Variants in CSN2 observed in about 807,000 individuals in gnomAD.
CSN2 encodes the protein beta-casein.
Under a neutral mutation model 27.3 loss-of-function variants are expected in CSN2, and 27 were observed. The observed-to-expected ratio is 0.99, with a 90% CI of 0.73 to 1.36. CSN2 has a LOEUF of 1.36. CSN2 is among the 40% of genes most tolerant of loss of function. CSN2 has a pLI of 0.00. For missense variants in CSN2, 333 were observed against 264.5 expected (o/e 1.26, Z -1.80); for synonymous variants, 131 against 94.8 (o/e 1.38, Z -2.22).
chr4:69,960,655 T>G (rs1723544344), intron 2 of CSN2, among the ~76,000 whole-genome samples: 1 of 152,072 alleles, frequency 6.6e-6, no homozygotes, highest in South Asian at 2.1e-4. Flanking sequence ...TGGAGTTGTA[T>G]TTATGCAATA....
At chr4:69,963,536 A>G (rs995498371) in intron 1 of CSN2, among the ~76,000 whole-genome samples, 5 of 150,554 alleles carry the variant, frequency 3.3e-5, no homozygotes, top group African/African-American at 9.7e-5. Context: ...GAATTGAACA[A>G]TGGGAACACA....
chr4:69,961,563 G>C (rs1723585031), intron 1 of CSN2, among the ~76,000 whole-genome samples: 2 of 152,094 alleles, frequency 1.3e-5, no homozygotes, highest in African/African-American at 4.8e-5. Flanking sequence ...CAATAATTTA[G>C]GTATTGATGG....
chr4:69,956,754 T>C (rs1318359194), intron 6 of CSN2, among the ~76,000 whole-genome samples: 2 of 152,176 alleles, frequency 1.3e-5, no homozygotes, highest in Non-Finnish European at 2.9e-5. Flanking sequence ...TTAATTACTT[T>C]ATCTAAATCA....
chr4:69,960,836 A>G, intron 2 of CSN2, 109 bp downstream of exon 2: 2 of 858,126 alleles, frequency 2.3e-6, no homozygotes, highest in Non-Finnish European at 3.7e-6. Context: ...ATTCTCATGA[A>G]ATTCTTCATT....
chr4:69,964,117 C>A (rs1176262667), intron 1 of CSN2, among the ~76,000 whole-genome samples: 1 of 152,074 alleles, frequency 6.6e-6, no homozygotes, highest in African/African-American at 2.4e-5. Flanking sequence ...TTATATTCAT[C>A]TTCCCCACAT....
At chr4:69,960,841 T>G in intron 2 of CSN2, 104 bp downstream of exon 2, 1 of 886,236 alleles carries the variant, frequency 1.1e-6, no homozygotes, top group East Asian at 2.6e-5. Flanking sequence ...CATGAAATTC[T>G]TCATTATTTA....
At chr4:69,956,239 C>T in intron 7 of CSN2, 75 bp downstream of exon 7, 1 of 1,067,436 alleles carries the variant, frequency 9.4e-7, no homozygotes, top group Non-Finnish European at 1.2e-6. Context: ...TATTGGACTT[C>T]TCTAGGAGAA....
At position 69,957,641 on chromosome 4, in the gene CSN2, T is replaced by C; in HGVS notation, c.308A>G (p.Lys103Arg). ...CTTAGTGTAGACAGTGTCTTTAGCTTTAGGGACTTCCATTATTTCAGGCTG... is the reference window on the plus strand; with the variant it reads ...CTTAGTGTAGACAGTGTCTTTAGCTCTAGGGACTTCCATTATTTCAGGCTG... The part of the protein sequence containing the change: ...VPQPEIMEVP[K>R]AKDTVYTKGR... Residue 103 changes from lysine (K) to arginine (R), a missense_variant, in exon 6 of 8, where the codon AAA becomes AGA. By Grantham distance (26) the Lys-to-Arg change is conservative. Transcript: ENST00000353151. 6.2e-7 allele frequency: 1 copy of C among 1,613,908 alleles called. No individual in the cohort carries two copies. The highest frequency in any genetic ancestry group is 8.5e-7 in the Non-Finnish European group (1 of 1,179,968).
chr4:69,961,979 C>A (rs1342021426), intron 1 of CSN2, among the ~76,000 whole-genome samples: 1 of 152,122 alleles, frequency 6.6e-6, no homozygotes, highest in Non-Finnish European at 1.5e-5. Context: ...AACTCCCATT[C>A]AAAATTGCTT....
At chr4:69,955,846 C>A (rs1475740085) in intron 7 of CSN2, among the ~76,000 whole-genome samples, 1 of 151,956 alleles carries the variant, frequency 6.6e-6, no homozygotes, top group East Asian at 1.9e-4. Context: ...CTTAGAATTG[C>A]AATGCTGTTC....
rs1723787790 is a variant in CSN2, at chr4:69,965,724, A to C, written c.-56T>G. ...GAGAAGTGAAGGTAGTGCTGGATGG[A>C]TGATGGTCCATCAGCTTCTGTGACT... On this transcript the variant is annotated 5_prime_UTR_variant, in exon 1 of 8. Transcript: ENST00000353151. 6.6e-6 allele frequency among the ~76,000 whole-genome samples: 1 copy of C among 151,910 alleles called. No homozygotes were observed. Among genetic ancestry groups the C allele is most frequent in the African/African-American group, 2.4e-5 (1 of 41,384 alleles).
At chr4:69,961,572 G>A (rs923227243) in intron 1 of CSN2, among the ~76,000 whole-genome samples, 7 of 152,228 alleles carry the variant, frequency 4.6e-5, no homozygotes, top group African/African-American at 1.7e-4. Context: ...AGGTATTGAT[G>A]GGACATATCT....
intron 7 of CSN2, among the ~76,000 whole-genome samples, chr4:69,955,827 G>A (rs1411770878): frequency 2.0e-5 from 3 of 152,032 alleles, no homozygotes; most frequent in Non-Finnish European, 4.4e-5. Context: ...ATCCCAAAAG[G>A]CTTTATATCT....
At chr4:69,961,925 C>T (rs1319222910) in intron 1 of CSN2, among the ~76,000 whole-genome samples, 2 of 152,118 alleles carry the variant, frequency 1.3e-5, no homozygotes, top group African/African-American at 4.8e-5. Context: ...CACAAGCATT[C>T]ATATACACCA....
intron 6 of CSN2, 142 bp downstream of exon 6, chr4:69,957,132 A>G (rs1284131804): frequency 4.7e-6 from 4 of 859,752 alleles, no homozygotes; most frequent in East Asian, 2.7e-5. Context: ...GTGCACATGT[A>G]CCCTAAAACT....
At chr4:69,956,683 T>G (rs559094685) in intron 6 of CSN2, among the ~76,000 whole-genome samples, 26 of 152,254 alleles carry the variant, frequency 1.7e-4, no homozygotes, top group African/African-American at 5.8e-4. Flanking sequence ...ACAGAACATT[T>G]TTTAGCTTTT....
chr4:69,961,629 C>A (rs188616796), intron 1 of CSN2, among the ~76,000 whole-genome samples: 1 of 152,250 alleles, frequency 6.6e-6, no homozygotes, highest in African/African-American at 2.4e-5. Context: ...CAATATCATA[C>A]TGAATGGACA....
At chr4:69,960,439 AAAG>A (rs1723537278) in intron 2 of CSN2, among the ~76,000 whole-genome samples, 1 of 150,630 alleles carries the variant, frequency 6.6e-6, no homozygotes, top group East Asian at 1.9e-4. Flanking sequence ...TTTATGGGTA[AAAG>A]AAGAGTCACT....
At chr4:69,963,606 G>A (rs890921255) in intron 1 of CSN2, among the ~76,000 whole-genome samples, 6 of 151,974 alleles carry the variant, frequency 3.9e-5, no homozygotes, top group African/African-American at 1.2e-4. Context: ...GGAGTGGGGA[G>A]GGATAGCATT....
Sources: gnomAD v4.1 joint callset for allele counts (sites outside exome capture counted in the v4.1 genomes callset) on GRCh38, gnomAD v4.1.1 for gene constraint, MANE v1.5 for transcripts, NCBI Gene and HGNC (gene_info 2026-07-23, HGNC 2026-07-21) for gene names.